BNC2: variants seen among roughly 807,000 people sequenced by gnomAD.
BNC2 encodes zinc finger protein basonuclin-2.
BNC2 carries 20 observed loss-of-function variants against 76.3 expected under a neutral mutation model. That is an observed-to-expected ratio of 0.26 (90% CI 0.18 to 0.38). BNC2 has a LOEUF of 0.38. Among genes scored for constraint, BNC2 ranks in the 10% least tolerant of loss-of-function variants. BNC2 has a pLI of 1.00. For missense variants in BNC2, 1,382 were observed against 1,399.8 expected, an observed-to-expected ratio of 0.99 and a Z score of 0.20; for synonymous variants, 582 against 514.8, an observed-to-expected ratio of 1.13 and a Z score of -1.77.
intron 1 of BNC2, among the ~76,000 whole-genome samples, chr9:16,808,657 G>GT (rs1817972260): frequency 6.7e-6 from 1 of 149,498 alleles, no homozygotes; most frequent in African/African-American, 2.5e-5. Context: ...ACTGACCAAT[G>GT]TTTTTTTGTA....
At chr9:16,744,011 G>A (rs4961745) in intron 1 of BNC2, among the ~76,000 whole-genome samples, 138,124 of 152,114 alleles carry the variant, frequency 0.91, 62,738 homozygotes, top group Non-Finnish European at 0.92. Flanking sequence ...CTGTCACCCA[G>A]GCTGGAGTGC....
At chr9:16,571,731 T>C (rs1487142702) in intron 4 of BNC2, among the ~76,000 whole-genome samples, 2 of 152,186 alleles carry the variant, frequency 1.3e-5, no homozygotes, top group Non-Finnish European at 2.9e-5. Flanking sequence ...CTAATCTTTT[T>C]TTTCCTTCAG....
intron 6 of BNC2, among the ~76,000 whole-genome samples, chr9:16,420,392 A>G (rs1438604565): frequency 6.6e-6 from 1 of 152,150 alleles, no homozygotes; most frequent in Non-Finnish European, 1.5e-5. Flanking sequence ...AGTGTCCAAA[A>G]TATTTTCATC....
chr9:16,749,489 C>T (rs905271440), intron 1 of BNC2, among the ~76,000 whole-genome samples: 2 of 151,984 alleles, frequency 1.3e-5, no homozygotes, highest in Admixed American at 6.6e-5. Flanking sequence ...AGCTTGAGCC[C>T]GGTTGTTTGA....
intron 3 of BNC2, among the ~76,000 whole-genome samples, chr9:16,674,928 T>C (rs1822592890): frequency 6.6e-6 from 1 of 152,182 alleles, no homozygotes; most frequent in African/African-American, 2.4e-5. Flanking sequence ...GATGGGAATA[T>C]TTCCGATTCT....
rs200079950 is a variant in BNC2 at position 16,413,190 on chromosome 9, T to C, written c.*5799A>G. 7 of 55,238 alleles carry C rather than the reference T, an allele frequency of 1.3e-4. No individual in the cohort carries two copies. The highest frequency in any genetic ancestry group is 1.8e-4 in the African/African-American group (2 of 11,350). 3.4% of individuals were successfully genotyped at this position (55,238 alleles called of 1,614,324 possible). ...GTCTTCATATCCTATATAAAAAAGA[T>C]TTTTTTTTTTCCTGCAGTAAAGGTC... On this transcript the variant is annotated 3_prime_UTR_variant, in exon 7 of 7. Coordinates refer to ENST00000380672, the MANE Select transcript of BNC2 (RefSeq NM_017637.6).
chr9:16,658,070 C>G (rs528847408), intron 3 of BNC2, among the ~76,000 whole-genome samples: 1 of 152,242 alleles, frequency 6.6e-6, no homozygotes, highest in African/African-American at 2.4e-5. Context: ...CCATAGCACT[C>G]AGAGGTAGAA....
intron 3 of BNC2, among the ~76,000 whole-genome samples, chr9:16,660,090 T>C (rs539442113): frequency 6.6e-6 from 1 of 152,346 alleles, no homozygotes; most frequent in East Asian, 1.9e-4. Flanking sequence ...AATTAGTTGT[T>C]CTCCAATTGT....
intron 4 of BNC2, among the ~76,000 whole-genome samples, chr9:16,573,850 T>A (rs928944507): frequency 6.6e-6 from 1 of 152,192 alleles, no homozygotes; most frequent in Non-Finnish European, 1.5e-5. Context: ...CTTTTGAAGA[T>A]ATATAAACAT....
intron 1 of BNC2, among the ~76,000 whole-genome samples, chr9:16,859,104 C>T (rs138422445): frequency 6.6e-6 from 1 of 151,878 alleles, no homozygotes; most frequent in East Asian, 1.9e-4. Flanking sequence ...TGAAAATATG[C>T]TTAACATCAG....
chr9:16,630,540 C>T (rs896411594), intron 3 of BNC2, among the ~76,000 whole-genome samples: 1 of 151,946 alleles, frequency 6.6e-6, no homozygotes, highest in Non-Finnish European at 1.5e-5. Context: ...GAACTATTGG[C>T]GATGCTTTTA....
chr9:16,420,189 T>C (rs1820681952), intron 6 of BNC2, among the ~76,000 whole-genome samples: 1 of 152,086 alleles, frequency 6.6e-6, no homozygotes, highest in Non-Finnish European at 1.5e-5. Context: ...CTTCAAAAAA[T>C]AATGAAATCT....
rs1820517882 is a variant in BNC2, at chr9:16,413,443, A to C, written c.*5546T>G. ...AAGATTTGGATTAATCTTTTGGATT[A>C]AAAGCATTTGGATTTTTCAACAAAT... On this transcript the variant is annotated 3_prime_UTR_variant, in exon 7 of 7. Coordinates refer to ENST00000380672, the MANE Select transcript of BNC2 (RefSeq NM_017637.6). 1 of 152,174 alleles carries C rather than the reference A, an allele frequency of 6.6e-6. No homozygotes were observed. The highest frequency in any genetic ancestry group is 1.5e-5 in the Non-Finnish European group (1 of 68,040). 9.4% of individuals were successfully genotyped at this position (152,174 alleles called of 1,614,324 possible).
chr9:16,456,122 C>T (rs1025730660), intron 5 of BNC2, among the ~76,000 whole-genome samples: 1 of 152,120 alleles, frequency 6.6e-6, no homozygotes, highest in Non-Finnish European at 1.5e-5. Flanking sequence ...AACTACCTAT[C>T]AAGGACTTAA....
intron 5 of BNC2, among the ~76,000 whole-genome samples, chr9:16,540,546 A>T (rs1376547899): frequency 6.6e-6 from 1 of 152,204 alleles, no homozygotes; most frequent in African/African-American, 2.4e-5. Flanking sequence ...ATTTTTGTGG[A>T]TAATTTTTCA....
chr9:16,796,471 GA>G (rs1410848299), intron 1 of BNC2, among the ~76,000 whole-genome samples: 1 of 151,762 alleles, frequency 6.6e-6, no homozygotes, highest in Non-Finnish European at 1.5e-5. Flanking sequence ...AAGAAATCAT[GA>G]AAGGCAGGAG....
chr9:16,582,898 C>CACACACACACACACACACACAA (rs1819665991), intron 4 of BNC2, 85 bp downstream of exon 4: 1 of 785,658 alleles, frequency 1.3e-6, no homozygotes, highest in African/African-American at 1.7e-5. Flanking sequence ...AACAGACACA[C>CACACACACACACACACACACAA]ACACACACAC....
rs1367080264 is a variant in BNC2 at position 16,409,617 on chromosome 9, C to T, written c.*9372G>A. ...CCATTTACATCCCCAAACCCTTATGCATTTTATGCAAAAGACATACTGTAG... is the reference window on the plus strand; with the variant it reads ...CCATTTACATCCCCAAACCCTTATGTATTTTATGCAAAAGACATACTGTAG... On this transcript the variant is annotated 3_prime_UTR_variant, in exon 7 of 7. Transcript: ENST00000380672. 6.6e-6 allele frequency: 1 copy of T among 152,566 alleles called. No individual in the cohort carries two copies. Among genetic ancestry groups the T allele is most frequent in the Admixed American group, 6.5e-5 (1 of 15,270 alleles). The allele number at this position is 152,566 out of a possible 1,614,324, so 9.5% of individuals were successfully genotyped here.
At chr9:16,435,308 A>G (rs1052287715) in intron 6 of BNC2, among the ~76,000 whole-genome samples, 11 of 152,218 alleles carry the variant, frequency 7.2e-5, no homozygotes, top group African/African-American at 2.7e-4. Context: ...GTATACACAG[A>G]GCACAGAGAA....
Sources: gnomAD v4.1 joint callset for allele counts (sites outside exome capture counted in the v4.1 genomes callset) on GRCh38, gnomAD v4.1.1 for gene constraint, MANE v1.5 for transcripts, NCBI Gene and HGNC (gene_info 2026-07-23, HGNC 2026-07-21) for gene names.